KCNIP2: variants seen among roughly 807,000 people sequenced by gnomAD.
KCNIP2 encodes potassium voltage-gated channel interacting protein 2.
In KCNIP2, 19 loss-of-function variants were observed where a neutral mutation model predicts 39.0. That is an observed-to-expected ratio of 0.49 (90% confidence interval 0.34 to 0.71). The LOEUF (loss-of-function observed/expected upper bound fraction) is 0.71. Ranked by LOEUF, KCNIP2 falls within the 30% of genes least tolerant of loss-of-function variation. The pLI, the probability that KCNIP2 is intolerant of heterozygous loss-of-function variation, is 0.01. For missense variants in KCNIP2, 261 were observed against 346.0 expected (o/e 0.75, Z 1.95); for synonymous variants, 111 against 131.2 (o/e 0.85, Z 1.05).
intron 1 of KCNIP2, among the ~76,000 whole-genome samples, chr10:101,834,860 T>C (rs1314507535): frequency 1.3e-5 from 2 of 152,214 alleles, no homozygotes; most frequent in Middle Eastern, 3.2e-3. Flanking sequence ...TGTTTTCCTG[T>C]GTGTATATTC....
At chr10:101,834,738 C>T (rs1325122297) in intron 1 of KCNIP2, among the ~76,000 whole-genome samples, 1 of 152,192 alleles carries the variant, frequency 6.6e-6, no homozygotes, top group East Asian at 1.9e-4. Context: ...GAGGGAGGAG[C>T]TGAGCTTAGG....
At chr10:101,830,927 CGCAGGCCTGGGGCACGCCCCCCCACACAT>C (rs1271849825) in intron 2 of KCNIP2, 116 bp downstream of exon 2, 63 of 762,810 alleles carry the variant, frequency 8.3e-5, no homozygotes, top group Non-Finnish European at 1.4e-4. Context: ...CCCCCACACA[CGCAGGCCTGGGGCACGCCCCCCCACACAT>C]GCAGGCCTGG....
rs1227109155 is a variant in KCNIP2, at chr10:101,830,382, C to T, written c.170-485G>A. Reference sequence around the variant, plus strand: ...CAACACACATCAGGGGTCCAAAACACGGTGGGGAAGGGGGCGGCCGCACGG... The same window carrying T: ...CAACACACATCAGGGGTCCAAAACATGGTGGGGAAGGGGGCGGCCGCACGG... On this transcript the variant is annotated intron_variant, in intron 2 of 9. Coordinates refer to ENST00000356640, the MANE Select transcript of KCNIP2 (RefSeq NM_173191.3). The T allele has an allele frequency of 3.9e-6, 5 of 1,281,804 alleles. No individual in the cohort carries two copies. The Admixed American group carries it at 1.2e-4, about 32-fold the overall frequency. The allele number at this position is 1,281,804 out of a possible 1,614,324, so 79.4% of individuals were successfully genotyped here.
rs1028525651 is a variant in KCNIP2 at position 101,833,259 on chromosome 10, G to C, written c.74-2092C>G. ...GGGAGAGGTCAAAACTCCCAAGGGG[G>C]AGGCAGAAGTGCTCCCCACTCCACC... On this transcript the variant is annotated intron_variant, in intron 1 of 9. Transcript: ENST00000356640. 2.0e-5 allele frequency among the ~76,000 whole-genome samples: 3 copies of C among 147,978 alleles called. No homozygotes were observed. In the South Asian group the frequency reaches 6.5e-4, roughly 32 times the overall value.
intron 1 of KCNIP2, chr10:101,834,217 C>T: frequency 7.5e-6 from 3 of 399,104 alleles, no homozygotes; most frequent in Non-Finnish European, 1.3e-5. Context: ...TGCTGTGGGG[C>T]AGCTGCCCCA....
chr10:101,829,844 C>G lies in KCNIP2; in HGVS notation c.223G>C (p.Asp75His). The change falls in exon 3 of 10, where the codon GAC (aspartate) becomes CAC (histidine). Residue 75 changes from aspartate to histidine, a missense_variant and splice_region_variant. Physicochemically the swap from Asp to His is moderately conservative, Grantham distance 81. Coordinates refer to ENST00000356640, the MANE Select transcript of KCNIP2 (RefSeq NM_173191.3). ...CGCCCCCACCAGGAGCGTAAGTCAC[C>G]TGGGTCCAGCAGGCGGGGTCTGTGG... Reference protein sequence around the residue: ...RPHRPRLLDPDSVDDEFELST... With the variant: ...RPHRPRLLDPHSVDDEFELST... The G allele has an allele frequency of 6.8e-7, 1 of 1,474,658 alleles. No individual in the cohort carries two copies. The allele number at this position is 1,474,658 out of a possible 1,614,324, so 91.3% of individuals were successfully genotyped here. A position where few individuals can be genotyped will look rare whatever the true frequency, so the allele number is the denominator to read the frequency against.
intron 1 of KCNIP2, among the ~76,000 whole-genome samples, chr10:101,832,610 G>A (rs2066032836): frequency 6.6e-6 from 1 of 152,050 alleles, no homozygotes; most frequent in African/African-American, 2.4e-5. Flanking sequence ...TGGAGAGGTG[G>A]GAGGGAGGCA....
intron 1 of KCNIP2, among the ~76,000 whole-genome samples, chr10:101,841,319 C>T (rs2066332025): frequency 6.6e-6 from 1 of 152,188 alleles, no homozygotes; most frequent in Admixed American, 6.5e-5. Flanking sequence ...CGAAGCCTGG[C>T]GCGCGCTTCA....
At chr10:101,839,640 T>C in intron 1 of KCNIP2, 1 of 952,852 alleles carries the variant, frequency 1.0e-6, no homozygotes, top group Non-Finnish European at 1.7e-6. Flanking sequence ...TGGAGGGATG[T>C]TGCTCCCTCC....
At chr10:101,830,198 C>T (rs552275767) in intron 2 of KCNIP2, among the ~76,000 whole-genome samples, 15 of 152,152 alleles carry the variant, frequency 9.9e-5, no homozygotes, top group African/African-American at 3.6e-4. Flanking sequence ...GTGGGCAAGG[C>T]CCAACTGAGG....
At chr10:101,842,833 A>G (rs2066372372) in intron 1 of KCNIP2, among the ~76,000 whole-genome samples, 1 of 152,224 alleles carries the variant, frequency 6.6e-6, no homozygotes, top group South Asian at 2.1e-4. Flanking sequence ...GAAAGTACAC[A>G]ACTAGCACTG....
intron 1 of KCNIP2, chr10:101,839,948 C>T (rs1004420601): frequency 2.8e-6 from 3 of 1,057,352 alleles, no homozygotes; most frequent in Non-Finnish European, 3.9e-6. Context: ...AGGGCCGGCC[C>T]GGCAGGCATA....
rs1024235752 is a variant in KCNIP2, at chr10:101,827,253, C to T, written c.*100G>A. 11 of 1,438,856 alleles carry T rather than the reference C, an allele frequency of 7.6e-6. No homozygotes were observed. Among genetic ancestry groups the T allele is most frequent in the East Asian group, 2.3e-5 (1 of 43,046 alleles). 89.1% of individuals were successfully genotyped at this position (1,438,856 alleles called of 1,614,324 possible). On this transcript the variant is annotated 3_prime_UTR_variant, in exon 10 of 10. Coordinates refer to ENST00000356640, the MANE Select transcript of KCNIP2 (RefSeq NM_173191.3). ...TGGATCCCTCCAGCCCCCAGGGAGG[C>T]GTAGGATGAGGATAGACCTGGGAAG...
chr10:101,835,230 T>C (rs144376817), intron 1 of KCNIP2, among the ~76,000 whole-genome samples: 2 of 152,278 alleles, frequency 1.3e-5, no homozygotes, highest in African/African-American at 4.8e-5. Context: ...TGACCTCTCC[T>C]GCTAGGAGGA....
chr10:101,827,222 A>G lies in KCNIP2; in HGVS notation c.*131T>C. 7.3e-7 allele frequency: 1 copy of G among 1,378,168 alleles called. No individual in the cohort carries two copies. The highest frequency in any genetic ancestry group is 9.4e-7 in the Non-Finnish European group (1 of 1,063,200). 85.4% of individuals were successfully genotyped at this position (1,378,168 alleles called of 1,614,324 possible). A position where few individuals can be genotyped will look rare whatever the true frequency, so the allele number is the denominator to read the frequency against. On this transcript the variant is annotated 3_prime_UTR_variant, in exon 10 of 10. Transcript: ENST00000356640. ...AGAGATCTGGACTACTGAATCCCCAAGCTCTTGGATCCCTCCAGCCCCCAG... is the reference window on the plus strand; with the variant it reads ...AGAGATCTGGACTACTGAATCCCCAGGCTCTTGGATCCCTCCAGCCCCCAG...
Position 101,828,917 on chromosome 10 carries a change from GC to G in KCNIP2, c.348+157del. Reference sequence around the variant, plus strand: ...GTCTACAGGCGCCACTTCCGTTCTGGCCCCGCCCCAGAACCTCCAGCTAGAA... The same window carrying G: ...GTCTACAGGCGCCACTTCCGTTCTGGCCCGCCCCAGAACCTCCAGCTAGAA... On this transcript the variant is annotated intron_variant, in intron 4 of 9. Transcript: ENST00000356640. This position sits in a 1 kb window ranked among gnomAD's most constrained non-coding sequence, Gnocchi z 6.6. 6.6e-7 allele frequency: 1 copy of G among 1,509,182 alleles called. No homozygotes were observed. The highest frequency in any genetic ancestry group is 8.9e-7 in the Non-Finnish European group (1 of 1,123,830). 93.5% of individuals were successfully genotyped at this position (1,509,182 alleles called of 1,614,324 possible).
In KCNIP2 at chr10:101,828,123, G is replaced by A. The variant is rs1376449026; in HGVS notation, c.597+28C>T. The A allele has an allele frequency of 5.3e-5, 85 of 1,599,280 alleles. No homozygotes were observed. The highest frequency in any genetic ancestry group is 7.0e-5 in the Non-Finnish European group (82 of 1,166,914). ...GCACGCCACCCCCATCACCGCCACA[G>A]ACCCCCAGCCCTTCAGTTGCCCTGC... On this transcript the variant is annotated intron_variant, in intron 7 of 9. Coordinates refer to ENST00000356640, the MANE Select transcript of KCNIP2 (RefSeq NM_173191.3). The surrounding 1 kb of genome is among the most constrained non-coding windows in gnomAD (Gnocchi z 6.6).
At chr10:101,830,127 A>G (rs915016705) in intron 2 of KCNIP2, among the ~76,000 whole-genome samples, 3 of 152,244 alleles carry the variant, frequency 2.0e-5, no homozygotes, top group Admixed American at 6.5e-5. Flanking sequence ...ACACAACAGC[A>G]TGCTCAAATA....
intron 1 of KCNIP2, among the ~76,000 whole-genome samples, chr10:101,835,624 G>A (rs972443608): frequency 3.3e-5 from 5 of 151,986 alleles, no homozygotes; most frequent in African/African-American, 4.8e-5. Context: ...CAGCATCCCC[G>A]GAGTCCCTCC....
Sources: gnomAD v4.1 joint callset for allele counts (sites outside exome capture counted in the v4.1 genomes callset) on GRCh38, gnomAD v4.1.1 for gene constraint, Gnocchi (gnomAD v3.1) non-coding constraint, MANE v1.5 for transcripts, NCBI Gene and HGNC (gene_info 2026-07-23, HGNC 2026-07-21) for gene names.